CRACD: variants seen among roughly 807,000 people sequenced by gnomAD.
The protein encoded by CRACD is capping protein-inhibiting regulator of actin dynamics.
Under a neutral mutation model 106.8 loss-of-function variants are expected in CRACD, and 56 were observed. The observed-to-expected ratio is 0.52, with a 90% CI of 0.42 to 0.66. The LOEUF (loss-of-function observed/expected upper bound fraction) is 0.66, where lower values mean the gene tolerates loss of function less well. Among genes scored for constraint, CRACD ranks in the 30% least tolerant of loss-of-function variants. The probability of loss-of-function intolerance (pLI) is 0.00; values close to 1 mark genes in which losing one functional copy is unlikely to be tolerated. For synonymous variants in CRACD, 754 were observed against 670.8 expected (o/e 1.12, Z -1.92); for missense variants, 1,730 against 1,623.2 (o/e 1.07, Z -1.13).
chr4:56,205,026 T>A (rs1016907769), intron 2 of CRACD, among the ~76,000 whole-genome samples: 15 of 152,108 alleles, frequency 9.9e-5, no homozygotes, highest in Non-Finnish European at 2.2e-4. Context: ...TGTGGTGGCA[T>A]GTGCCTGTAG....
chr4:56,221,910 G>T (rs572179363), intron 2 of CRACD, among the ~76,000 whole-genome samples: 5 of 152,192 alleles, frequency 3.3e-5, no homozygotes, highest in African/African-American at 1.2e-4. Flanking sequence ...CATAGATGTG[G>T]TGAATACAGA....
intron 3 of CRACD, among the ~76,000 whole-genome samples, chr4:56,290,540 AAT>A (rs1025535301): frequency 6.6e-6 from 1 of 152,182 alleles, no homozygotes; most frequent in Non-Finnish European, 1.5e-5. Context: ...TTCTCCCATC[AAT>A]GTCTTTGGAA....
chr4:56,319,847 A>G (rs1247552428), intron 8 of CRACD, among the ~76,000 whole-genome samples: 1 of 151,162 alleles, frequency 6.6e-6, no homozygotes, highest in Non-Finnish European at 1.5e-5. Flanking sequence ...GTGAGATTAA[A>G]ACAGCAATGA....
At chr4:56,050,543 ACAGT>A (rs1329226822) in intron 1 of CRACD, among the ~76,000 whole-genome samples, 2 of 152,276 alleles carry the variant, frequency 1.3e-5, no homozygotes, top group African/African-American at 4.8e-5. Flanking sequence ...TCTGAATAAA[ACAGT>A]CAGTTTTGAG....
intron 2 of CRACD, among the ~76,000 whole-genome samples, chr4:56,271,577 A>C (rs899451503): frequency 7.2e-5 from 11 of 152,198 alleles, no homozygotes; most frequent in South Asian, 2.1e-4. Context: ...ATATTAAAAA[A>C]AAAACAAAAC....
intron 2 of CRACD, among the ~76,000 whole-genome samples, chr4:56,266,464 C>T (rs1156762732): frequency 1.3e-5 from 2 of 152,184 alleles, no homozygotes; most frequent in Non-Finnish European, 2.9e-5. Flanking sequence ...TCCCACTGCC[C>T]AACCACCCAG....
chr4:56,057,775 C>T (rs1159747263), intron 1 of CRACD, among the ~76,000 whole-genome samples: 2 of 148,076 alleles, frequency 1.4e-5, no homozygotes, highest in African/African-American at 2.5e-5. Flanking sequence ...AGGTGTGCGC[C>T]ACCACACCTG....
rs79192452 is a variant in CRACD, at chr4:56,208,736, A to G, written c.-189+29306A>G. Among the ~76,000 whole-genome samples the G allele has an allele frequency of 9.2e-3, 1,398 of 152,352 alleles. 21 individuals are homozygous for G. Among genetic ancestry groups the G allele is most frequent in the African/African-American group, 0.031 (1,310 of 41,588 alleles). On this transcript the variant is annotated intron_variant, in intron 2 of 10. Transcript: ENST00000682029. ...TAGTATTCTAAAATTCAAGGTCAAA[A>G]GAGACTTAATTTTGAAGTGGAAATT...
At chr4:56,237,720 A>AT (rs1740059715) in intron 2 of CRACD, among the ~76,000 whole-genome samples, 1 of 65,316 alleles carries the variant, frequency 1.5e-5, no homozygotes, top group Non-Finnish European at 3.1e-5. Flanking sequence ...AAGATATTAC[A>AT]TACACACACA....
At chr4:56,169,220 C>A (rs999971142) in intron 1 of CRACD, among the ~76,000 whole-genome samples, 1 of 152,058 alleles carries the variant, frequency 6.6e-6, no homozygotes, top group Non-Finnish European at 1.5e-5. Flanking sequence ...TAGGGATGAG[C>A]TGATTTAGAG....
chr4:56,156,444 T>C (rs368512395), intron 1 of CRACD, among the ~76,000 whole-genome samples: 4 of 152,246 alleles, frequency 2.6e-5, no homozygotes, highest in Admixed American at 6.5e-5. Context: ...GGACAGGCTC[T>C]GGGCTCAGTT....
At chr4:56,195,298 G>A (rs1419402232) in intron 2 of CRACD, among the ~76,000 whole-genome samples, 6 of 152,092 alleles carry the variant, frequency 3.9e-5, no homozygotes, top group South Asian at 2.1e-4. Flanking sequence ...GAAAAGATGC[G>A]TCAATTTTCA....
intron 1 of CRACD, among the ~76,000 whole-genome samples, chr4:56,067,246 A>C (rs1418625765): frequency 6.6e-6 from 1 of 152,210 alleles, no homozygotes; most frequent in East Asian, 1.9e-4. Flanking sequence ...CAGAAAATCC[A>C]GAAGAAGGAG....
intron 2 of CRACD, among the ~76,000 whole-genome samples, chr4:56,242,623 G>A (rs1240880692): frequency 1.3e-5 from 2 of 152,114 alleles, no homozygotes; most frequent in Admixed American, 6.5e-5. Context: ...AGAAAAAGAC[G>A]TCGGGGGCCA....
intron 1 of CRACD, among the ~76,000 whole-genome samples, chr4:56,154,677 T>G (rs1383679863): frequency 6.6e-6 from 1 of 152,234 alleles, no homozygotes; most frequent in Non-Finnish European, 1.5e-5. Context: ...AAGAGTCCTT[T>G]GAAAGCCAGT....
intron 1 of CRACD, among the ~76,000 whole-genome samples, chr4:56,080,027 A>G (rs180724255): frequency 2.0e-5 from 3 of 152,202 alleles, no homozygotes; most frequent in South Asian, 2.1e-4. Context: ...ATATTTTAGA[A>G]TACCTTTCAG....
chr4:56,298,693 G>A (rs1364452021), intron 4 of CRACD, among the ~76,000 whole-genome samples: 1 of 152,200 alleles, frequency 6.6e-6, no homozygotes, highest in Non-Finnish European at 1.5e-5. Context: ...AGCACTTTGG[G>A]AGGCCGAGGC....
At chr4:56,154,817 T>C (rs550188891) in intron 1 of CRACD, among the ~76,000 whole-genome samples, 1 of 152,146 alleles carries the variant, frequency 6.6e-6, no homozygotes, top group East Asian at 1.9e-4. Flanking sequence ...ATACAGTTGC[T>C]AGATAGAGGA....
At chr4:56,230,609 C>T (rs1196746647) in intron 2 of CRACD, among the ~76,000 whole-genome samples, 3 of 152,150 alleles carry the variant, frequency 2.0e-5, no homozygotes, top group Admixed American at 6.6e-5. Context: ...GGTTTTCGAG[C>T]AGTGTTTCTG....
Sources: gnomAD v4.1 joint callset for allele counts (sites outside exome capture counted in the v4.1 genomes callset) on GRCh38, gnomAD v4.1.1 for gene constraint, MANE v1.5 for transcripts, NCBI Gene and HGNC (gene_info 2026-07-23, HGNC 2026-07-21) for gene names.